Variants in FHIT observed in about 807,000 individuals in gnomAD.
FHIT encodes the protein bis(5'-adenosyl)-triphosphatase.
A neutral mutation model predicts 17.9 loss-of-function variants in FHIT; 19 were observed. That is an observed-to-expected ratio of 1.06 (90% CI 0.74 to 1.56). The LOEUF (loss-of-function observed/expected upper bound fraction) is 1.56, where lower values mean the gene tolerates loss of function less well. FHIT is among the 40% of genes most tolerant of loss of function. The pLI, the probability that FHIT is intolerant of heterozygous loss-of-function variation, is 0.00. For missense variants in FHIT, 248 were observed against 189.2 expected (o/e 1.31, Z -1.82); for synonymous variants, 81 against 69.7 (o/e 1.16, Z -0.81).
intron 5 of FHIT, among the ~76,000 whole-genome samples, chr3:60,460,393 T>C (rs370449339): frequency 6.6e-6 from 1 of 152,170 alleles, no homozygotes; most frequent in Non-Finnish European, 1.5e-5. Flanking sequence ...CACCTTTTTT[T>C]AAAATTTGCT....
intron 3 of FHIT, among the ~76,000 whole-genome samples, chr3:60,860,929 G>A (rs1156297708): frequency 9.8e-6 from 1 of 102,388 alleles, no homozygotes; most frequent in African/African-American, 3.7e-5. Flanking sequence ...ACATATATAC[G>A]TATATATCAT....
rs116281221 is a variant in FHIT, at chr3:60,241,842, A to C, written c.104-227690T>G. Among the ~76,000 whole-genome samples, 623 of 152,142 alleles carry C rather than the reference A, an allele frequency of 4.1e-3. 1 individual carries two copies. The highest frequency in any genetic ancestry group is 6.8e-3 in the Middle Eastern group (2 of 294). ...TATAAAAGAGGAAGAAGTGGAGCTTACTCTAATTACTCTTTATTATTCTCT... is the reference window on the plus strand; with the variant it reads ...TATAAAAGAGGAAGAAGTGGAGCTTCCTCTAATTACTCTTTATTATTCTCT... On this transcript the variant is annotated intron_variant, in intron 5 of 9. Transcript: ENST00000492590.
At chr3:59,796,828 CG>C (rs930910149) in intron 8 of FHIT, among the ~76,000 whole-genome samples, 1 of 152,090 alleles carries the variant, frequency 6.6e-6, no homozygotes, top group African/African-American at 2.4e-5. Flanking sequence ...GAATTAGAGG[CG>C]TGGGTGTCAC....
intron 5 of FHIT, among the ~76,000 whole-genome samples, chr3:60,299,853 C>A: frequency 6.6e-6 from 1 of 152,156 alleles, no homozygotes; most frequent in African/African-American, 2.4e-5. Context: ...GTAGGCCACA[C>A]GTTTTTCAAT....
In FHIT at chr3:59,874,780, T is replaced by C. The variant is rs187111905; in HGVS notation, c.348+47566A>G. 1.8e-3 allele frequency among the ~76,000 whole-genome samples: 275 copies of C among 152,096 alleles called. 1 individual carries two copies. Among genetic ancestry groups the C allele is most frequent in the African/African-American group, 6.4e-3 (265 of 41,362 alleles). On this transcript the variant is annotated intron_variant, in intron 8 of 9. Transcript: ENST00000492590. ...GATGCAGCAAGAACCAGACAGACCT[T>C]GCCTCCTGCTGTTTTCCCCTTTAGA...
At chr3:60,858,324 G>A (rs906636260) in intron 3 of FHIT, among the ~76,000 whole-genome samples, 33 of 152,080 alleles carry the variant, frequency 2.2e-4, no homozygotes, top group Admixed American at 7.9e-4. Flanking sequence ...CCATTTCAAT[G>A]GCACAAAATA....
intron 8 of FHIT, among the ~76,000 whole-genome samples, chr3:59,892,507 C>G (rs1017514859): frequency 3.3e-5 from 5 of 152,224 alleles, no homozygotes; most frequent in African/African-American, 1.2e-4. Flanking sequence ...AAAGTGATCA[C>G]TTTCCTGAGG....
chr3:61,209,306 C>T lies in FHIT; in HGVS notation c.-212-8641G>A, dbSNP rs141357022. Among the ~76,000 whole-genome samples, 1,363 of 152,214 alleles carry T rather than the reference C, an allele frequency of 9.0e-3. 24 individuals are homozygous for T. The highest frequency in any genetic ancestry group is 0.031 in the African/African-American group (1,305 of 41,526). Reference sequence around the variant, plus strand: ...GACAATGAAGTGTCTTGGAGTTGCTCTTCTTGAGGAGTATCTTTCTGGCAT... The same window carrying T: ...GACAATGAAGTGTCTTGGAGTTGCTTTTCTTGAGGAGTATCTTTCTGGCAT... On this transcript the variant is annotated intron_variant, in intron 1 of 9. Coordinates refer to ENST00000492590, the MANE Select transcript of FHIT (RefSeq NM_002012.4).
intron 5 of FHIT, among the ~76,000 whole-genome samples, chr3:60,117,906 T>A (rs1168688452): frequency 6.6e-6 from 1 of 152,126 alleles, no homozygotes; most frequent in Non-Finnish European, 1.5e-5. Context: ...AGGATATCCA[T>A]GAGGCTGTCA....
intron 5 of FHIT, among the ~76,000 whole-genome samples, chr3:60,492,370 C>T (rs1305740717): frequency 6.6e-6 from 1 of 152,096 alleles, no homozygotes; most frequent in Non-Finnish European, 1.5e-5. Context: ...TACACTCATC[C>T]TTCAGAGTTA....
chr3:59,783,157 T>TAATA (rs1182277812), intron 8 of FHIT, among the ~76,000 whole-genome samples: 2 of 152,166 alleles, frequency 1.3e-5, no homozygotes, highest in African/African-American at 4.8e-5. Context: ...CACAAACCTC[T>TAATA]AATAGTACAC....
chr3:60,064,127 A>G (rs75678364), intron 5 of FHIT, among the ~76,000 whole-genome samples: 2 of 152,334 alleles, frequency 1.3e-5, no homozygotes, highest in Non-Finnish European at 2.9e-5. Context: ...AGAGAAGGAA[A>G]GGAAAGTTTT....
intron 8 of FHIT, among the ~76,000 whole-genome samples, chr3:59,803,578 GC>G (rs1269981577): frequency 6.6e-6 from 1 of 152,234 alleles, no homozygotes; most frequent in Admixed American, 6.5e-5. Context: ...AAGATGTCAG[GC>G]TTTTAAAGGG....
intron 5 of FHIT, among the ~76,000 whole-genome samples, chr3:60,225,092 T>C (rs544671898): frequency 2.0e-4 from 30 of 152,262 alleles, no homozygotes; most frequent in Non-Finnish European, 2.8e-4. Context: ...CTAGGTAGAA[T>C]TTCGTCATTA....
At chr3:60,293,420 G>A (rs566994178) in intron 5 of FHIT, among the ~76,000 whole-genome samples, 2 of 152,240 alleles carry the variant, frequency 1.3e-5, no homozygotes, top group Admixed American at 1.3e-4. Flanking sequence ...AAATATTCCA[G>A]TTATGGCTTC....
intron 8 of FHIT, among the ~76,000 whole-genome samples, chr3:59,776,028 T>G (rs1176520377): frequency 6.6e-6 from 1 of 152,224 alleles, no homozygotes; most frequent in Non-Finnish European, 1.5e-5. Context: ...AGCCAAAGTT[T>G]GGCGCTGTCA....
At chr3:60,334,344 C>T (rs542122213) in intron 5 of FHIT, among the ~76,000 whole-genome samples, 2 of 152,284 alleles carry the variant, frequency 1.3e-5, no homozygotes, top group South Asian at 2.1e-4. Flanking sequence ...AAATGAGGCT[C>T]AGACCAATTT....
intron 4 of FHIT, among the ~76,000 whole-genome samples, chr3:60,640,287 C>G (rs189877624): frequency 4.0e-5 from 6 of 151,870 alleles, no homozygotes; most frequent in Non-Finnish European, 8.8e-5. Flanking sequence ...CACACTATAC[C>G]CCAATAAGCT....
intron 3 of FHIT, among the ~76,000 whole-genome samples, chr3:60,973,081 T>A (rs1025774109): frequency 6.6e-6 from 1 of 152,190 alleles, no homozygotes; most frequent in Non-Finnish European, 1.5e-5. Flanking sequence ...GGCCATTTGT[T>A]CTTGTTTCCT....
Sources: allele counts gnomAD v4.1 joint callset (sites outside exome capture counted in the v4.1 genomes callset), GRCh38; gene constraint gnomAD v4.1.1; transcripts MANE v1.5; gene names NCBI Gene and HGNC (gene_info 2026-07-23, HGNC 2026-07-21).